The following ARMC2 variants were observed in gnomAD, a reference collection of about 807,000 sequenced individuals.
ARMC2 encodes the protein armadillo repeat containing 2.
A neutral mutation model predicts 90.3 loss-of-function variants in ARMC2; 67 were observed. The ratio of observed to expected loss-of-function variants is 0.74; its 90% confidence interval spans 0.61 to 0.91. The LOEUF is 0.91. Among genes scored for constraint, ARMC2 ranks in the 40% least tolerant of loss-of-function variants. ARMC2 has a pLI of 0.00. For missense variants in ARMC2, 920 were observed against 1,030.9 expected (o/e 0.89, Z 1.47); for synonymous variants, 393 against 393.0 (o/e 1.00, Z 0.00).
chr6:108,959,779 G>C lies in ARMC2; in HGVS notation c.1916-1793G>C, dbSNP rs540446144. Among the ~76,000 whole-genome samples, 39 of 152,062 alleles carry C rather than the reference G, an allele frequency of 2.6e-4. 2 individuals are homozygous for C. In the South Asian group the frequency reaches 7.7e-3, roughly 30 times the overall value. On this transcript the variant is annotated intron_variant, in intron 13 of 17. Coordinates refer to ENST00000392644, the MANE Select transcript of ARMC2 (RefSeq NM_032131.6). ...TGGCTCACTGCAACCTCTGCCTCCC[G>C]GGTTCAAGCAATTCTTCTGCCTCAG...
At chr6:108,969,241 C>G (rs1778590545) in intron 17 of ARMC2, among the ~76,000 whole-genome samples, 1 of 152,188 alleles carries the variant, frequency 6.6e-6, no homozygotes, top group Non-Finnish European at 1.5e-5. Flanking sequence ...CATTCGACAA[C>G]TTTGCCTTAT....
the ARMC2 span, among the ~76,000 whole-genome samples, chr6:109,030,231 G>A: frequency 5.9e-5 from 9 of 152,212 alleles, no homozygotes; most frequent in Admixed American, 1.3e-4. Context: ...AGGACCCCCC[G>A]ATCTAAGAAT....
At chr6:108,862,353 AAAAAACAAAAAAAAC>A (rs1334924841) in intron 3 of ARMC2, among the ~76,000 whole-genome samples, 2 of 145,000 alleles carry the variant, frequency 1.4e-5, no homozygotes, top group East Asian at 2.0e-4. Context: ...AAAAAAAAAA[AAAAAACAAAAAAAAC>A]AAACAAAACC....
At chr6:108,985,419 T>C in the ARMC2 span, among the ~76,000 whole-genome samples, 2 of 152,178 alleles carry the variant, frequency 1.3e-5, no homozygotes, top group Non-Finnish European at 2.9e-5. Context: ...CCTAATTATT[T>C]TGGAAACTAC....
chr6:108,871,350 C>T (rs989309412), intron 4 of ARMC2, among the ~76,000 whole-genome samples: 1 of 152,132 alleles, frequency 6.6e-6, no homozygotes. Flanking sequence ...CTGTAGCTGC[C>T]CATGAGAATC....
Position 108,936,939 on chromosome 6 carries a change from C to G in ARMC2, c.1536C>G (p.Ala512=). 6.2e-7 allele frequency: 1 copy of G among 1,604,680 alleles called. No individual in the cohort carries two copies. The highest frequency in any genetic ancestry group is 2.2e-5 in the East Asian group (1 of 44,786). Residue 512 remains alanine, a synonymous_variant, in exon 12 of 18, where the codon GCC becomes GCG. Transcript: ENST00000392644. The stretch of plus-strand genomic sequence containing the variant: ...ACCGTGACTGCTGCACAGCCTTGGC[C>G]AGCTATTCCAGATGTTATGCCTTAT... ...TSYRDCCTAL[A]SYSRCYALFL...
At chr6:108,936,822 T>G in intron 11 of ARMC2, 78 bp from the exon 12 acceptor site, 3 of 1,182,578 alleles carry the variant, frequency 2.5e-6, no homozygotes, top group South Asian at 1.3e-5. Flanking sequence ...AGGTCTGCAT[T>G]TAAAGTGATA....
chr6:108,853,213 G>A (rs985271513), intron 1 of ARMC2, among the ~76,000 whole-genome samples: 1 of 152,104 alleles, frequency 6.6e-6, no homozygotes, highest in African/African-American at 2.4e-5. Flanking sequence ...GAAACTCTTG[G>A]GGTGGGGCCT....
At chr6:108,970,008 C>T (rs1778650283) in intron 17 of ARMC2, among the ~76,000 whole-genome samples, 1 of 151,998 alleles carries the variant, frequency 6.6e-6, no homozygotes, top group Non-Finnish European at 1.5e-5. Context: ...TGCATTCCAG[C>T]CTGGGTGACA....
chr6:109,012,744 T>A, the ARMC2 span, among the ~76,000 whole-genome samples: 392 of 152,052 alleles, frequency 2.6e-3, 1 homozygote, highest in South Asian at 0.011. Flanking sequence ...GAGTGATCCA[T>A]TAGGGAAGCA....
intron 5 of ARMC2, among the ~76,000 whole-genome samples, chr6:108,890,561 A>G (rs899480785): frequency 6.6e-6 from 1 of 151,834 alleles, no homozygotes; most frequent in African/African-American, 2.4e-5. Flanking sequence ...CCCCATCTCT[A>G]TTTAAAAAAA....
At chr6:108,985,544 C>T in the ARMC2 span, among the ~76,000 whole-genome samples, 1 of 152,200 alleles carries the variant, frequency 6.6e-6, no homozygotes, top group Non-Finnish European at 1.5e-5. Context: ...CTTTGTATCA[C>T]ATGCACTTTT....
In ARMC2 at chr6:108,931,851, C is replaced by A. The variant is rs1019120684; in HGVS notation, c.1496+3618C>A. On this transcript the variant is annotated intron_variant, in intron 11 of 17. Transcript: ENST00000392644. ...TGATCTCGGCTCACCATAACCTCTG[C>A]CTCCCAGGTTCAAGCAATTATCCTG... 8.0e-4 allele frequency among the ~76,000 whole-genome samples: 121 copies of A among 151,732 alleles called. 2 individuals are homozygous for A. Among genetic ancestry groups the A allele is most frequent in the African/African-American group, 2.7e-3 (111 of 41,122 alleles).
At chr6:109,049,350 G>C in the ARMC2 span, among the ~76,000 whole-genome samples, 1 of 151,930 alleles carries the variant, frequency 6.6e-6, no homozygotes, top group Non-Finnish European at 1.5e-5. Flanking sequence ...GGAAGTAAAA[G>C]GTAGAAGAGA....
chr6:109,027,773 T>C, the ARMC2 span, among the ~76,000 whole-genome samples: 1 of 152,202 alleles, frequency 6.6e-6, no homozygotes, highest in Non-Finnish European at 1.5e-5. Flanking sequence ...ATGCCTAATG[T>C]AGCAATATCT....
At chr6:109,044,772 C>T in the ARMC2 span, among the ~76,000 whole-genome samples, 10 of 152,032 alleles carry the variant, frequency 6.6e-5, no homozygotes, top group African/African-American at 2.4e-4. Context: ...GCCTGTAATC[C>T]CAGCACTTTG....
At position 108,876,334 on chromosome 6, in the gene ARMC2, C is replaced by T. The variant is rs1376189102; in HGVS notation, c.655C>T (p.His219Tyr). The change falls in exon 5 of 18, where the codon CAT (histidine) becomes TAT (tyrosine). Residue 219 changes from histidine (H) to tyrosine (Y), a missense_variant. Coordinates refer to ENST00000392644, the MANE Select transcript of ARMC2 (RefSeq NM_032131.6). ...MFKGTTSLPS[H>Y]LKNGGDQGKR... ...CAAAGGAACAACATCTTTACCATCT[C>T]ATCTCAAGAATGGAGGGTCAGTATT... 1.2e-6 allele frequency: 2 copies of T among 1,611,446 alleles called. No individual in the cohort carries two copies. The highest frequency in any genetic ancestry group is 1.7e-5 in the Admixed American group (1 of 59,550).
At chr6:108,883,316 T>G (rs1454890103) in intron 5 of ARMC2, among the ~76,000 whole-genome samples, 3 of 152,196 alleles carry the variant, frequency 2.0e-5, no homozygotes, top group African/African-American at 4.8e-5. Context: ...CTCATGCACT[T>G]TCCAGAAAAC....
the ARMC2 span, among the ~76,000 whole-genome samples, chr6:108,979,929 T>G: frequency 6.6e-6 from 1 of 152,068 alleles, no homozygotes; most frequent in African/African-American, 2.4e-5. Flanking sequence ...TTGCATTGGA[T>G]TAGAACATGC....
Sources: gnomAD v4.1 joint callset for allele counts (sites outside exome capture counted in the v4.1 genomes callset) on GRCh38, gnomAD v4.1.1 for gene constraint, MANE v1.5 for transcripts, NCBI Gene and HGNC (gene_info 2026-07-23, HGNC 2026-07-21) for gene names.